The following ERC1 variants were observed in gnomAD, a reference collection of about 807,000 sequenced individuals.
The protein encoded by ERC1 is ELKS/RAB6-interacting/CAST family member 1, also known as RAB6 interacting protein 2.
Under a neutral mutation model 132.0 loss-of-function variants are expected in ERC1, and 56 were observed. The observed-to-expected ratio is 0.42, with a 90% CI of 0.34 to 0.53. The LOEUF (loss-of-function observed/expected upper bound fraction) is 0.53, where lower values mean the gene tolerates loss of function less well. Ranked by LOEUF, ERC1 falls within the 20% of genes least tolerant of loss-of-function variation. The probability of loss-of-function intolerance (pLI) is 0.03; values close to 1 mark genes in which losing one functional copy is unlikely to be tolerated. For missense variants in ERC1, 1,202 were observed against 1,349.9 expected (o/e 0.89, Z 1.72); for synonymous variants, 478 against 476.1 (o/e 1.00, Z -0.05).
chr12:1,424,046 G>C (rs953291567), intron 17 of ERC1, among the ~76,000 whole-genome samples: 1 of 151,602 alleles, frequency 6.6e-6, no homozygotes, highest in Admixed American at 6.6e-5. Flanking sequence ...GTGTGTGTGT[G>C]TGTGTATGTT....
At chr12:1,426,102 A>ATT (rs200517286) in intron 17 of ERC1, among the ~76,000 whole-genome samples, 35 of 138,722 alleles carry the variant, frequency 2.5e-4, no homozygotes, top group Admixed American at 4.3e-4. Flanking sequence ...GAGTTTTTAG[A>ATT]TTTTTTTTTT....
At chr12:1,370,549 A>T in intron 15 of ERC1, among the ~76,000 whole-genome samples, 1 of 152,244 alleles carries the variant, frequency 6.6e-6, no homozygotes, top group East Asian at 1.9e-4. Context: ...TCTGGAAGCT[A>T]CAGAATAATT....
At chr12:1,235,426 C>T (rs2075348995) in intron 12 of ERC1, among the ~76,000 whole-genome samples, 1 of 152,162 alleles carries the variant, frequency 6.6e-6, no homozygotes, top group Admixed American at 6.5e-5. Flanking sequence ...GAAGAAAATA[C>T]TTACATAACA....
intron 13 of ERC1, chr12:1,244,497 GGTTTGTTTGTTTGTTTGTTTGTTT>G: frequency 2.3e-6 from 1 of 442,034 alleles, no homozygotes; most frequent in South Asian, 1.6e-5. Flanking sequence ...TGTACTTAAT[GGTTTGTTTGTTTGTTTGTTTGTTT>G]GTTTGTTTGT....
rs185401156 is a variant in ERC1 at position 1,095,344 on chromosome 12, C to T, written c.1087-9406C>T. Among the ~76,000 whole-genome samples the T allele has an allele frequency of 4.0e-3, 590 of 148,204 alleles. 3 individuals are homozygous for T. Among genetic ancestry groups the T allele is most frequent in the African/African-American group, 0.013 (537 of 40,050 alleles). Reference sequence around the variant, plus strand: ...ATTTGGGAGGCTGAGGCAGGAGAATCGCTTGAACTCGGGAGGTGGAGGTTG... The same window carrying T: ...ATTTGGGAGGCTGAGGCAGGAGAATTGCTTGAACTCGGGAGGTGGAGGTTG... On this transcript the variant is annotated intron_variant, in intron 3 of 18. Transcript: ENST00000360905.
At chr12:1,388,858 T>C (rs976749454) in intron 16 of ERC1, among the ~76,000 whole-genome samples, 2 of 152,194 alleles carry the variant, frequency 1.3e-5, no homozygotes, top group African/African-American at 4.8e-5. Flanking sequence ...CCACCTAATC[T>C]TAGTGCCTTA....
chr12:1,083,979 T>C (rs1431002343), intron 3 of ERC1, among the ~76,000 whole-genome samples: 2 of 152,224 alleles, frequency 1.3e-5, no homozygotes, highest in Non-Finnish European at 2.9e-5. Context: ...TAAGCGGTTA[T>C]CTCAGCTTAT....
chr12:1,016,635 CTTT>C (rs397967271), intron 1 of ERC1, among the ~76,000 whole-genome samples: 3 of 128,072 alleles, frequency 2.3e-5, no homozygotes, highest in African/African-American at 2.9e-5. Context: ...CTTTTCTTTT[CTTT>C]TTTTTTTTTT....
intron 3 of ERC1, among the ~76,000 whole-genome samples, chr12:1,094,883 C>T (rs10848436): frequency 0.54 from 82,496 of 151,914 alleles, 23,699 homozygotes; most frequent in East Asian, 0.75. Flanking sequence ...ATTTACCCTC[C>T]CTTCTTTTTT....
chr12:1,316,105 T>C (rs764763123), intron 15 of ERC1, among the ~76,000 whole-genome samples: 6 of 152,154 alleles, frequency 3.9e-5, no homozygotes, highest in Non-Finnish European at 7.4e-5. Flanking sequence ...AGGCAGATGG[T>C]CTTGATCTCC....
At chr12:1,078,760 G>GA (rs1159025039) in intron 2 of ERC1, among the ~76,000 whole-genome samples, 1 of 152,124 alleles carries the variant, frequency 6.6e-6, no homozygotes, top group Non-Finnish European at 1.5e-5. Context: ...AGAACAAGGA[G>GA]AGAGGAGTCA....
chr12:1,214,506 T>C (rs1326561909), intron 12 of ERC1, among the ~76,000 whole-genome samples: 1 of 152,170 alleles, frequency 6.6e-6, no homozygotes, highest in Non-Finnish European at 1.5e-5. Context: ...ATAACTTCAA[T>C]AGTATCCTCC....
chr12:1,200,499 T>A (rs2154283000), intron 12 of ERC1, among the ~76,000 whole-genome samples: 1 of 152,322 alleles, frequency 6.6e-6, no homozygotes, highest in Middle Eastern at 3.4e-3. Flanking sequence ...AATGTATATA[T>A]GTTATAAAAG....
At chr12:1,338,639 G>A (rs954078707) in intron 15 of ERC1, among the ~76,000 whole-genome samples, 5 of 152,072 alleles carry the variant, frequency 3.3e-5, no homozygotes, top group African/African-American at 1.2e-4. Context: ...AAGAGTTCTT[G>A]GATTGGTTCT....
At chr12:1,078,102 A>G (rs1941623644) in intron 2 of ERC1, among the ~76,000 whole-genome samples, 1 of 152,216 alleles carries the variant, frequency 6.6e-6, no homozygotes, top group African/African-American at 2.4e-5. Flanking sequence ...ATATGTGCCA[A>G]AGCGTATGTG....
intron 2 of ERC1, among the ~76,000 whole-genome samples, chr12:1,056,939 T>C (rs1214123470): frequency 1.3e-5 from 2 of 152,202 alleles, no homozygotes; most frequent in Non-Finnish European, 2.9e-5. Flanking sequence ...AATAATTTCT[T>C]TCTACCTCCT....
intron 17 of ERC1, among the ~76,000 whole-genome samples, chr12:1,408,825 G>A (rs2091670284): frequency 6.6e-6 from 1 of 152,146 alleles, no homozygotes; most frequent in South Asian, 2.1e-4. Flanking sequence ...GAATCTGAAG[G>A]GAACCATATT....
chr12:1,483,876 TAG>T, intron 18 of ERC1, among the ~76,000 whole-genome samples: 1 of 151,952 alleles, frequency 6.6e-6, no homozygotes, highest in Non-Finnish European at 1.5e-5. Context: ...GTATGTTTAG[TAG>T]AGACGGGGTT....
chr12:1,313,614 A>G (rs2081472831), intron 15 of ERC1, among the ~76,000 whole-genome samples: 1 of 152,212 alleles, frequency 6.6e-6, no homozygotes, highest in South Asian at 2.1e-4. Context: ...ATTGAAAAAA[A>G]TACATGTAAA....
Sources: gnomAD v4.1 joint callset for allele counts (sites outside exome capture counted in the v4.1 genomes callset) on GRCh38, gnomAD v4.1.1 for gene constraint, MANE v1.5 for transcripts, NCBI Gene and HGNC (gene_info 2026-07-23, HGNC 2026-07-21) for gene names.